NEGR1: variants seen among roughly 807,000 people sequenced by gnomAD.
The protein encoded by NEGR1 is IgLON family member 4.
In NEGR1, 10 loss-of-function variants were observed where a neutral mutation model predicts 40.9. That is an observed-to-expected ratio of 0.24 (90% CI 0.15 to 0.42). The LOEUF (loss-of-function observed/expected upper bound fraction) is 0.42. NEGR1 is among the 10% of genes least tolerant of loss of function. The pLI is 1.00. For missense variants in NEGR1, 352 were observed against 438.9 expected (o/e 0.80, Z 1.77); for synonymous variants, 185 against 166.8 (o/e 1.11, Z -0.84).
intron 5 of NEGR1, among the ~76,000 whole-genome samples, chr1:71,605,989 G>C (rs1168683893): frequency 2.0e-5 from 3 of 152,122 alleles, no homozygotes; most frequent in African/African-American, 7.2e-5. Context: ...CTTTGAAGAT[G>C]GCATCAGATG....
chr1:71,927,125 T>C (rs1168839511), intron 2 of NEGR1, among the ~76,000 whole-genome samples: 3 of 152,192 alleles, frequency 2.0e-5, no homozygotes, highest in Non-Finnish European at 4.4e-5. Context: ...CTAATGAATG[T>C]CAATATATTC....
intron 1 of NEGR1, among the ~76,000 whole-genome samples, chr1:71,982,392 C>T (rs567439737): frequency 2.0e-5 from 3 of 152,146 alleles, no homozygotes; most frequent in Non-Finnish European, 4.4e-5. Context: ...TTTGGCATAG[C>T]ACAGTGGACA....
intron 1 of NEGR1, chr1:72,275,127 T>C: frequency 1.3e-6 from 1 of 777,966 alleles, no homozygotes. Context: ...AGATCTTTAT[T>C]TCCCGCACGT....
intron 1 of NEGR1, among the ~76,000 whole-genome samples, chr1:72,055,397 T>C (rs540406251): frequency 4.0e-5 from 6 of 151,364 alleles, no homozygotes; most frequent in African/African-American, 1.2e-4. Context: ...TTAGTATCTA[T>C]CTGCACTGTG....
At chr1:72,228,993 A>C (rs1032343783) in intron 1 of NEGR1, among the ~76,000 whole-genome samples, 8 of 152,082 alleles carry the variant, frequency 5.3e-5, no homozygotes, top group Non-Finnish European at 8.8e-5. Context: ...TCTGAGTATT[A>C]TTTAGCTTTA....
chr1:71,655,347 T>C (rs1206482757), intron 4 of NEGR1, among the ~76,000 whole-genome samples: 3 of 152,162 alleles, frequency 2.0e-5, no homozygotes, highest in African/African-American at 7.2e-5. Context: ...TAGTCAGGGA[T>C]ACCTATGAAA....
chr1:72,152,351 A>C (rs1446147063), intron 1 of NEGR1, among the ~76,000 whole-genome samples: 9 of 151,974 alleles, frequency 5.9e-5, no homozygotes, highest in African/African-American at 2.2e-4. Context: ...AACTTAGTGA[A>C]AGTGATATTT....
At chr1:71,425,310 G>C (rs921224371) in intron 6 of NEGR1, among the ~76,000 whole-genome samples, 9 of 152,100 alleles carry the variant, frequency 5.9e-5, no homozygotes, top group Non-Finnish European at 1.2e-4. Context: ...CATTAAACTT[G>C]TCTATCTTTA....
At chr1:71,811,938 C>G (rs1431533592) in intron 2 of NEGR1, among the ~76,000 whole-genome samples, 1 of 147,860 alleles carries the variant, frequency 6.8e-6, no homozygotes, top group Non-Finnish European at 1.5e-5. Flanking sequence ...GCATGGCATG[C>G]AGGTTTAGTA....
At chr1:71,751,376 T>C (rs994036246) in intron 3 of NEGR1, among the ~76,000 whole-genome samples, 1 of 152,160 alleles carries the variant, frequency 6.6e-6, no homozygotes, top group Non-Finnish European at 1.5e-5. Context: ...ATTTGACTCA[T>C]AGAACAGTGA....
At chr1:72,073,829 C>G (rs900370744) in intron 1 of NEGR1, among the ~76,000 whole-genome samples, 6 of 150,590 alleles carry the variant, frequency 4.0e-5, no homozygotes, top group African/African-American at 1.5e-4. Flanking sequence ...CAAGAAGAGA[C>G]ATAAGAAAGA....
At position 72,045,841 on chromosome 1, in the gene NEGR1, T is replaced by C. The variant is rs1263738446; in HGVS notation, c.177-110530A>G. Among the ~76,000 whole-genome samples, 4 of 151,740 alleles carry C rather than the reference T, an allele frequency of 2.6e-5. No homozygotes were observed. In the Admixed American group the frequency reaches 2.6e-4, roughly 10 times the overall value. ...AAAAATTAGAAAAAAATATGTAGTT[T>C]CATATGGAGTTATCTACAGAAATTT... On this transcript the variant is annotated intron_variant, in intron 1 of 6. Transcript: ENST00000357731.
intron 1 of NEGR1, among the ~76,000 whole-genome samples, chr1:71,957,100 G>T (rs957324391): frequency 6.6e-6 from 1 of 152,104 alleles, no homozygotes; most frequent in Admixed American, 6.6e-5. Flanking sequence ...CCAAATTTAT[G>T]TGTCTCTGAA....
intron 6 of NEGR1, among the ~76,000 whole-genome samples, chr1:71,590,668 A>G (rs895160924): frequency 5.9e-5 from 9 of 152,256 alleles, no homozygotes; most frequent in African/African-American, 2.2e-4. Context: ...TACAGAATCT[A>G]GCTCTTTGGA....
At chr1:72,116,426 C>G (rs1276681941) in intron 1 of NEGR1, among the ~76,000 whole-genome samples, 1 of 151,664 alleles carries the variant, frequency 6.6e-6, no homozygotes, top group East Asian at 1.9e-4. Flanking sequence ...CAGTAACACC[C>G]AATCTGCAAA....
chr1:72,094,089 C>A (rs553605601), intron 1 of NEGR1, among the ~76,000 whole-genome samples: 28 of 152,128 alleles, frequency 1.8e-4, no homozygotes, highest in Non-Finnish European at 3.2e-4. Flanking sequence ...AGTAAAAGAT[C>A]AGACATGGCC....
chr1:71,511,785 C>T (rs1000727614), intron 6 of NEGR1, among the ~76,000 whole-genome samples: 3 of 152,148 alleles, frequency 2.0e-5, no homozygotes, highest in African/African-American at 7.2e-5. Flanking sequence ...GTTAAAGACA[C>T]ACAAAGTCAA....
chr1:71,525,160 C>T (rs1033545890), intron 6 of NEGR1, among the ~76,000 whole-genome samples: 6 of 151,768 alleles, frequency 4.0e-5, no homozygotes, highest in African/African-American at 1.4e-4. Context: ...TTCAACAAAT[C>T]TTATGTGTTT....
intron 1 of NEGR1, among the ~76,000 whole-genome samples, chr1:71,982,742 T>A (rs986846096): frequency 6.6e-6 from 1 of 152,122 alleles, no homozygotes; most frequent in African/African-American, 2.4e-5. Context: ...AATTACCTAA[T>A]TGAACTTAGT....
Sources: allele counts gnomAD v4.1 joint callset (sites outside exome capture counted in the v4.1 genomes callset), GRCh38; gene constraint gnomAD v4.1.1; transcripts MANE v1.5; gene names NCBI Gene and HGNC (gene_info 2026-07-23, HGNC 2026-07-21).